Variants in ARFGEF2 observed in about 807,000 individuals in gnomAD.
ARFGEF2 encodes ARF guanine nucleotide exchange factor 2.
ARFGEF2 carries 74 observed loss-of-function variants against 219.9 expected under a neutral mutation model. The observed-to-expected ratio is 0.34, with a 90% CI of 0.28 to 0.41. The LOEUF is 0.41. ARFGEF2 is among the 10% of genes least tolerant of loss of function. The pLI is 1.00. For missense variants in ARFGEF2, 1,743 were observed against 2,218.3 expected, an observed-to-expected ratio of 0.79 and a Z score of 4.30; for synonymous variants, 733 against 799.2, an observed-to-expected ratio of 0.92 and a Z score of 1.40.
chr20:48,995,400 A>T (rs2091379994), intron 22 of ARFGEF2, among the ~76,000 whole-genome samples: 1 of 152,160 alleles, frequency 6.6e-6, no homozygotes, highest in Non-Finnish European at 1.5e-5. Context: ...TCTCGTGAGG[A>T]TGAGTGTAAT....
intron 16 of ARFGEF2, among the ~76,000 whole-genome samples, chr20:48,987,265 T>C (rs2091331797): frequency 6.6e-6 from 1 of 152,234 alleles, no homozygotes; most frequent in African/African-American, 2.4e-5. Flanking sequence ...CCCAGTTTCA[T>C]CTCATATTAA....
intron 13 of ARFGEF2, among the ~76,000 whole-genome samples, chr20:48,975,290 C>T (rs2091253996): frequency 6.6e-6 from 1 of 152,186 alleles, no homozygotes; most frequent in African/African-American, 2.4e-5. Context: ...TCAAGCGATC[C>T]TCCCACCTCA....
intron 37 of ARFGEF2, among the ~76,000 whole-genome samples, chr20:49,031,741 C>T (rs976652178): frequency 1.3e-5 from 2 of 151,774 alleles, no homozygotes; most frequent in African/African-American, 2.4e-5. Context: ...GTGGTGAAAC[C>T]CCATCTCTAC....
chr20:48,952,690 G>T lies in ARFGEF2; in HGVS notation c.424-15G>T. On this transcript the variant is annotated splice_polypyrimidine_tract_variant and intron_variant, in intron 4 of 38. Coordinates refer to ENST00000371917, the MANE Select transcript of ARFGEF2 (RefSeq NM_006420.3). ...GTGCGTTCCTGATGGTGAAGGTCGCGGATTTCTATTTTAGGCTCTTCTGAC... is the reference window on the plus strand; with the variant it reads ...GTGCGTTCCTGATGGTGAAGGTCGCTGATTTCTATTTTAGGCTCTTCTGAC... 1 of 1,614,092 alleles carries T rather than the reference G, an allele frequency of 6.2e-7. No individual in the cohort carries two copies. Among genetic ancestry groups the T allele is most frequent in the Non-Finnish European group, 8.5e-7 (1 of 1,179,980 alleles).
rs192090006 is a variant in ARFGEF2, at chr20:49,013,827, C to G, written c.4050-4C>G. 6.8e-6 allele frequency: 11 copies of G among 1,614,098 alleles called. No homozygotes were observed. The East Asian group carries it at 2.0e-4, about 29-fold the overall frequency. On this transcript the variant is annotated splice_region_variant and splice_polypyrimidine_tract_variant and intron_variant, in intron 29 of 38. Coordinates refer to ENST00000371917, the MANE Select transcript of ARFGEF2 (RefSeq NM_006420.3). ...TCTTCTGTGCCTGACTTTGTTTCCT[C>G]CAGGGGACTCACAGTCATGTTTGAG...
Position 49,016,240 on chromosome 20 carries a change from G to A in ARFGEF2, c.4180-40G>A, listed in dbSNP as rs557375146. On this transcript the variant is annotated intron_variant, in intron 30 of 38. Coordinates refer to ENST00000371917, the MANE Select transcript of ARFGEF2 (RefSeq NM_006420.3). Reference sequence around the variant, plus strand: ...GTACAAGAATGCCCATCTCACTGCAGGGAGAATAGCTTTTAAGTGTCATCT... The same window carrying A: ...GTACAAGAATGCCCATCTCACTGCAAGGAGAATAGCTTTTAAGTGTCATCT... 3.1e-6 allele frequency: 5 copies of A among 1,609,842 alleles called. No homozygotes were observed. In the South Asian group the frequency reaches 4.4e-5, roughly 14 times the overall value.
chr20:49,027,839 T>C, intron 36 of ARFGEF2, among the ~76,000 whole-genome samples: 1 of 152,146 alleles, frequency 6.6e-6, no homozygotes, highest in Non-Finnish European at 1.5e-5. Context: ...ATATATAAAA[T>C]GTTTCAGGCC....
intron 5 of ARFGEF2, 145 bp downstream of exon 5, chr20:48,953,029 T>G: frequency 1.1e-6 from 1 of 903,942 alleles, no homozygotes; most frequent in East Asian, 2.6e-5. Flanking sequence ...GCTTTTGTTC[T>G]TGCTTTAAAA....
intron 26 of ARFGEF2, among the ~76,000 whole-genome samples, chr20:49,006,961 C>T (rs7274221): frequency 0.22 from 32,514 of 150,868 alleles, 3,629 homozygotes; most frequent in Non-Finnish European, 0.24. Flanking sequence ...ATTACAGGCA[C>T]GAGCTACCGT....
intron 8 of ARFGEF2, among the ~76,000 whole-genome samples, chr20:48,968,873 C>T (rs1600620004): frequency 1.3e-5 from 2 of 152,302 alleles, no homozygotes; most frequent in East Asian, 3.9e-4. Context: ...CCCCACATCC[C>T]TCATCTCTCT....
chr20:48,965,978 C>T lies in ARFGEF2; in HGVS notation c.1014C>T (p.Asn338=), dbSNP rs201523904. 13 of 1,614,120 alleles carry T rather than the reference C, an allele frequency of 8.1e-6. No individual in the cohort carries two copies. The highest frequency in any genetic ancestry group is 3.3e-5 in the South Asian group (3 of 91,086). ...PPGVDENSQT[N]GIADDRQSLS... ...GAGTTGATGAAAACTCACAGACCAA[C>T]GGGATAGCCGATGACAGGCAGTCCT... Residue 338 remains asparagine (N), a synonymous_variant, in exon 8 of 39, where the codon AAC becomes AAT. Transcript: ENST00000371917.
Position 48,921,832 on chromosome 20 carries a change from C to T in ARFGEF2, c.-58C>T. The T allele has an allele frequency of 1.4e-6, 2 of 1,444,256 alleles. No individual in the cohort carries two copies. Among genetic ancestry groups the T allele is most frequent in the Non-Finnish European group, 1.8e-6 (2 of 1,089,758 alleles). The allele number at this position is 1,444,256 out of a possible 1,614,324, so 89.5% of individuals were successfully genotyped here. A position where few individuals can be genotyped will look rare whatever the true frequency, so the allele number is the denominator to read the frequency against. On this transcript the variant is annotated 5_prime_UTR_variant, in exon 1 of 39. Transcript: ENST00000371917. ...GGGACGCCGGGCCCGCAGCCTAGCT[C>T]GCCATCTCGCTCACGCCGCCCGCCC...
In ARFGEF2 at chr20:49,013,647, C is replaced by A; in HGVS notation, c.4002C>A (p.Phe1334Leu). 6.2e-7 allele frequency: 1 copy of A among 1,614,132 alleles called. No individual in the cohort carries two copies. The highest frequency in any genetic ancestry group is 1.1e-5 in the South Asian group (1 of 91,084). Residue 1334 changes from phenylalanine to leucine, a missense_variant, in exon 29 of 39, where the codon TTC (phenylalanine) becomes TTA (leucine). By Grantham distance (22) the Phe-to-Leu change is conservative. Around this residue, in one of 5 missense-constraint regions of ARFGEF2, gnomAD observed 578 missense variants for 664.0 expected, o/e 0.87. Coordinates refer to ENST00000371917, the MANE Select transcript of ARFGEF2 (RefSeq NM_006420.3). ...TCCGAGGCTGGTTCCCCATCTTATT[C>A]GAACTCTCCTGCATCATTAATAGAT... ...VWVRGWFPIL[F>L]ELSCIINRCK...
At chr20:48,949,400 C>T (rs903831420) in intron 3 of ARFGEF2, among the ~76,000 whole-genome samples, 2 of 152,134 alleles carry the variant, frequency 1.3e-5, no homozygotes, top group African/African-American at 4.8e-5. Flanking sequence ...AACCAGAGCT[C>T]ATTTTCCAGG....
Position 49,033,340 on chromosome 20 carries a change from G to A in ARFGEF2, c.*141G>A, listed in dbSNP as rs200664908. 167 of 897,198 alleles carry A rather than the reference G, an allele frequency of 1.9e-4. 1 individual carries two copies. The East Asian group carries it at 3.8e-3, about 20-fold the overall frequency. 55.6% of individuals were successfully genotyped at this position (897,198 alleles called of 1,614,324 possible). A position where few individuals can be genotyped will look rare whatever the true frequency, so the allele number is the denominator to read the frequency against. The stretch of plus-strand genomic sequence containing the variant: ...TGGCCTGGAAACGGATGGCCTCTAC[G>A]CTGTTCCATCACAGTCTCCAACTAA... On this transcript the variant is annotated 3_prime_UTR_variant, in exon 39 of 39. Transcript: ENST00000371917.
chr20:49,013,743 C>T (rs754589051), intron 29 of ARFGEF2, 49 bp downstream of exon 29: 4 of 1,614,036 alleles, frequency 2.5e-6, no homozygotes, highest in South Asian at 1.1e-5. Flanking sequence ...AAATGAACCT[C>T]AGTCACTTGC....
chr20:48,953,812 C>T, intron 6 of ARFGEF2, 22 bp downstream of exon 6: 1 of 1,606,388 alleles, frequency 6.2e-7, no homozygotes, highest in South Asian at 1.1e-5. Context: ...TACGGTATGG[C>T]TCTTTTTCCA....
intron 30 of ARFGEF2, 85 bp downstream of exon 30, chr20:49,014,045 C>A: frequency 6.4e-7 from 1 of 1,563,388 alleles, no homozygotes; most frequent in Non-Finnish European, 8.8e-7. Context: ...GCTGCATCAT[C>A]GTCTACCCAG....
chr20:48,975,184 A>T (rs1274507080), intron 13 of ARFGEF2, among the ~76,000 whole-genome samples: 1 of 151,884 alleles, frequency 6.6e-6, no homozygotes, highest in Non-Finnish European at 1.5e-5. Flanking sequence ...CTGTTTCTGG[A>T]GTTTTAATTT....
Sources: gnomAD v4.1 joint callset for allele counts (sites outside exome capture counted in the v4.1 genomes callset) on GRCh38, gnomAD v4.1.1 for gene constraint, gnomAD v4.1.1 regional missense constraint, MANE v1.5 for transcripts, NCBI Gene and HGNC (gene_info 2026-07-23, HGNC 2026-07-21) for gene names.